Variants in SENP6 observed in about 807,000 individuals in gnomAD.
SENP6 encodes sentrin-specific protease 6.
A neutral mutation model predicts 134.5 loss-of-function variants in SENP6; 41 were observed. That is an observed-to-expected ratio of 0.30 (90% confidence interval 0.24 to 0.40). The LOEUF is 0.40. Among genes scored for constraint, SENP6 ranks in the 10% least tolerant of loss-of-function variants. The pLI is 1.00. For missense variants in SENP6, 1,248 were observed against 1,312.5 expected (o/e 0.95, Z 0.76); for synonymous variants, 395 against 429.8 (o/e 0.92, Z 1.00).
chr6:75,698,249 G>A (rs977558274), intron 18 of SENP6, among the ~76,000 whole-genome samples: 1 of 152,198 alleles, frequency 6.6e-6, no homozygotes. Flanking sequence ...GAGTGATATG[G>A]GGGAGGGTCT....
intron 16 of SENP6, among the ~76,000 whole-genome samples, chr6:75,681,315 C>T (rs1402485928): frequency 6.6e-6 from 1 of 152,116 alleles, no homozygotes; most frequent in Non-Finnish European, 1.5e-5. Flanking sequence ...CCTGCTCTGG[C>T]CATGTAAGAT....
chr6:75,714,127 G>C lies in SENP6; in HGVS notation c.3129+302G>C, dbSNP rs774911032. ...CCCATGATTCACACTGCCTCTTTTAGCCTCTTTTCTCCTCTTCATAGATAC... is the reference window on the plus strand; with the variant it reads ...CCCATGATTCACACTGCCTCTTTTACCCTCTTTTCTCCTCTTCATAGATAC... On this transcript the variant is annotated intron_variant, in intron 23 of 23. Coordinates refer to ENST00000447266, the MANE Select transcript of SENP6 (RefSeq NM_015571.4). Among the ~76,000 whole-genome samples the C allele has an allele frequency of 4.9e-4, 74 of 152,088 alleles. 1 individual carries two copies. Among genetic ancestry groups the C allele is most frequent in the Non-Finnish European group, 8.1e-4 (55 of 68,010 alleles).
rs73456948 is a variant in SENP6, at chr6:75,671,317, C to T, written c.1392+597C>T. Among the ~76,000 whole-genome samples the T allele has an allele frequency of 4.6e-3, 704 of 152,248 alleles. 7 individuals are homozygous for T. Among genetic ancestry groups the T allele is most frequent in the African/African-American group, 0.016 (672 of 41,536 alleles). On this transcript the variant is annotated intron_variant, in intron 11 of 23. Transcript: ENST00000447266. ...TTGTTGCTAGATTAATTGTAAAGCA[C>T]TGTATGTGTTCTGTAAGCCTTTGTT...
chr6:75,639,261 A>C (rs980913375), intron 5 of SENP6, among the ~76,000 whole-genome samples: 22 of 152,180 alleles, frequency 1.4e-4, no homozygotes, highest in African/African-American at 4.1e-4. Flanking sequence ...CTTCTTTAAT[A>C]GGGATGTGAT....
intron 5 of SENP6, among the ~76,000 whole-genome samples, chr6:75,638,389 T>G (rs1027777335): frequency 6.6e-6 from 1 of 150,614 alleles, no homozygotes; most frequent in South Asian, 2.1e-4. Context: ...TTTCCCCGGT[T>G]TTATGTTTTA....
intron 1 of SENP6, among the ~76,000 whole-genome samples, chr6:75,621,146 C>G (rs927029115): frequency 1.3e-5 from 2 of 152,142 alleles, no homozygotes; most frequent in African/African-American, 4.8e-5. Flanking sequence ...AAGGGAGAGT[C>G]TAGCAGTCTG....
intron 16 of SENP6, among the ~76,000 whole-genome samples, chr6:75,689,606 A>G (rs1478774207): frequency 6.6e-6 from 1 of 152,188 alleles, no homozygotes; most frequent in Non-Finnish European, 1.5e-5. Context: ...TCAGTCAATT[A>G]TGGACCATAT....
intron 11 of SENP6, 50 bp downstream of exon 11, chr6:75,670,770 C>T (rs774482928): frequency 8.8e-7 from 1 of 1,131,730 alleles, no homozygotes; most frequent in Non-Finnish European, 1.2e-6. Flanking sequence ...ATTAAAAATT[C>T]CGTTGCTAAA....
intron 14 of SENP6, 140 bp from the exon 15 acceptor site, chr6:75,678,443 A>G (rs889632469): frequency 1.2e-5 from 7 of 561,840 alleles, no homozygotes; most frequent in African/African-American, 5.9e-5. Context: ...CTTGTTTTTA[A>G]TTGTTAAGTA....
In SENP6 at chr6:75,614,387, T is replaced by C. The variant is rs185944321; in HGVS notation, c.53-7145T>C. On this transcript the variant is annotated intron_variant, in intron 1 of 23. Coordinates refer to ENST00000447266, the MANE Select transcript of SENP6 (RefSeq NM_015571.4). ...TTTAAGCCATTCTTCTGCCTCAGCC[T>C]CCCGAGTAGCTGGGATTACAGGTGT... is the stretch of plus-strand genomic sequence containing the variant. Among the ~76,000 whole-genome samples, 169 of 151,612 alleles carry C rather than the reference T, an allele frequency of 1.1e-3. 1 individual carries two copies. Among genetic ancestry groups the C allele is most frequent in the African/African-American group, 4.0e-3 (164 of 41,302 alleles).
intron 6 of SENP6, among the ~76,000 whole-genome samples, chr6:75,644,475 C>CTTTTTTTTTTTTT (rs71002753): frequency 1.4e-5 from 2 of 143,470 alleles, no homozygotes; most frequent in African/African-American, 2.6e-5. Flanking sequence ...TTCTTTCTTT[C>CTTTTTTTTTTTTT]TTTTTTTTTT....
At chr6:75,622,428 A>G (rs1768345532) in intron 2 of SENP6, among the ~76,000 whole-genome samples, 1 of 152,068 alleles carries the variant, frequency 6.6e-6, no homozygotes, top group Non-Finnish European at 1.5e-5. Context: ...ATGTGGTGGC[A>G]TACACCTGTA....
At chr6:75,640,821 T>G (rs939938314) in intron 6 of SENP6, 117 bp downstream of exon 6, 40 of 578,152 alleles carry the variant, frequency 6.9e-5, no homozygotes, top group Admixed American at 4.1e-4. Context: ...TTTTTTAATT[T>G]TAAAGTTTTA....
At chr6:75,644,475 C>CTTTTTTTTTTTT (rs71002753) in intron 6 of SENP6, among the ~76,000 whole-genome samples, 14 of 143,486 alleles carry the variant, frequency 9.8e-5, no homozygotes, top group South Asian at 2.2e-4. Flanking sequence ...TTCTTTCTTT[C>CTTTTTTTTTTTT]TTTTTTTTTT....
chr6:75,655,971 C>G (rs1019573746), intron 7 of SENP6, among the ~76,000 whole-genome samples: 1 of 152,030 alleles, frequency 6.6e-6, no homozygotes, highest in South Asian at 2.1e-4. Context: ...GTAATCCCAG[C>G]ACTTAGGCCG....
rs1285127455 is a variant in SENP6, at chr6:75,658,997, AAAAG to A, written c.551-264_551-261del. On this transcript the variant is annotated intron_variant, in intron 7 of 23. Coordinates refer to ENST00000447266, the MANE Select transcript of SENP6 (RefSeq NM_015571.4). ...CCCAAAAAAAAAAAAAAAAAAAAAAAAAAGGGGAATTGTGAGTATGTGAGTGGTT... is the reference window on the plus strand; with the variant it reads ...CCCAAAAAAAAAAAAAAAAAAAAAAAGGGAATTGTGAGTATGTGAGTGGTT... Among the ~76,000 whole-genome samples, 91 of 148,924 alleles carry A rather than the reference AAAAG, an allele frequency of 6.1e-4. 5 individuals carry two copies. The highest frequency in any genetic ancestry group is 2.1e-3 in the African/African-American group (85 of 40,788).
intron 6 of SENP6, among the ~76,000 whole-genome samples, chr6:75,644,343 G>A (rs569728290): frequency 6.6e-6 from 1 of 152,186 alleles, no homozygotes; most frequent in Admixed American, 6.5e-5. Flanking sequence ...AATACCTGAC[G>A]AGTTCTCTCT....
intron 3 of SENP6, among the ~76,000 whole-genome samples, chr6:75,625,216 A>T (rs562371386): frequency 1.1e-4 from 16 of 151,014 alleles, no homozygotes; most frequent in Non-Finnish European, 2.1e-4. Context: ...GGTTCAAACA[A>T]TTCTCATGCC....
intron 7 of SENP6, among the ~76,000 whole-genome samples, chr6:75,652,696 AAAAAAAAG>A (rs1562008461): frequency 6.7e-6 from 1 of 148,716 alleles, no homozygotes; most frequent in African/African-American, 2.4e-5. Context: ...AAAAAAAAAA[AAAAAAAAG>A]AAAAAGAAAA....
Sources: allele counts gnomAD v4.1 joint callset (sites outside exome capture counted in the v4.1 genomes callset), GRCh38; gene constraint gnomAD v4.1.1; transcripts MANE v1.5; gene names NCBI Gene and HGNC (gene_info 2026-07-23, HGNC 2026-07-21).